ADAMTS17: variants seen among roughly 807,000 people sequenced by gnomAD.
The protein encoded by ADAMTS17 is ADAM metallopeptidase with thrombospondin type 1 motif 17, also known as A disintegrin and metalloproteinase with thrombospondin motifs 17.
Under a neutral mutation model 141.5 loss-of-function variants are expected in ADAMTS17, and 113 were observed. The observed-to-expected ratio is 0.80, with a 90% CI of 0.69 to 0.93. The LOEUF is 0.93. Among genes scored for constraint, ADAMTS17 ranks in the 40% least tolerant of loss-of-function variants. ADAMTS17 has a pLI of 0.00. For missense variants in ADAMTS17, 1,659 were observed against 1,517.9 expected (o/e 1.09, Z -1.54); for synonymous variants, 768 against 630.6 (o/e 1.22, Z -3.27).
intron 10 of ADAMTS17, among the ~76,000 whole-genome samples, chr15:100,139,705 G>T (rs2038527457): frequency 6.6e-6 from 1 of 152,172 alleles, no homozygotes; most frequent in Non-Finnish European, 1.5e-5. Flanking sequence ...CAATAACGCG[G>T]AACCTCAATC....
At chr15:100,255,729 G>C (rs2043305679) in intron 6 of ADAMTS17, among the ~76,000 whole-genome samples, 1 of 152,048 alleles carries the variant, frequency 6.6e-6, no homozygotes, top group South Asian at 2.1e-4. Context: ...GCTGGGCAAA[G>C]GGAGAAAGGG....
intron 15 of ADAMTS17, among the ~76,000 whole-genome samples, chr15:100,073,714 G>C (rs1270439763): frequency 5.8e-5 from 8 of 137,718 alleles, no homozygotes; most frequent in Non-Finnish European, 1.1e-4. Context: ...ATTGAACAAT[G>C]AGAACACATG....
intron 8 of ADAMTS17, among the ~76,000 whole-genome samples, chr15:100,171,916 G>A (rs2040175253): frequency 1.3e-5 from 2 of 152,144 alleles, no homozygotes; most frequent in Admixed American, 1.3e-4. Context: ...TAAGTGGCTG[G>A]GAGTGCCTGA....
At chr15:100,304,372 T>C (rs756476622) in intron 3 of ADAMTS17, among the ~76,000 whole-genome samples, 1 of 152,190 alleles carries the variant, frequency 6.6e-6, no homozygotes, top group Non-Finnish European at 1.5e-5. Flanking sequence ...TAGTATAATT[T>C]TTTTAACCTT....
chr15:100,049,027 G>C, intron 17 of ADAMTS17, 35 bp from the exon 18 acceptor site: 1 of 1,614,096 alleles, frequency 6.2e-7, no homozygotes, highest in Non-Finnish European at 8.5e-7. Context: ...GAGAGACTGT[G>C]GCTGCACCCA....
intron 7 of ADAMTS17, among the ~76,000 whole-genome samples, chr15:100,229,655 A>G (rs4965602): frequency 0.71 from 107,975 of 152,088 alleles, 38,651 homozygotes; most frequent in South Asian, 0.82. Context: ...TCCCAGAGGC[A>G]ACCACTCAAA....
chr15:100,200,551 G>A (rs1193282522), intron 7 of ADAMTS17, among the ~76,000 whole-genome samples: 2 of 152,138 alleles, frequency 1.3e-5, no homozygotes, highest in Non-Finnish European at 2.9e-5. Context: ...GCCCTCCCGT[G>A]GGCGTTTAAC....
intron 7 of ADAMTS17, among the ~76,000 whole-genome samples, chr15:100,251,588 G>A (rs1340984630): frequency 1.3e-5 from 2 of 152,206 alleles, no homozygotes; most frequent in African/African-American, 4.8e-5. Flanking sequence ...AGCCAGGCTT[G>A]GTGGCAGGCA....
At chr15:100,010,732 T>A (rs180833975) in intron 18 of ADAMTS17, among the ~76,000 whole-genome samples, 3 of 152,324 alleles carry the variant, frequency 2.0e-5, no homozygotes, top group Admixed American at 2.0e-4. Context: ...GCTGCTTTTA[T>A]TGAACAGATG....
intron 18 of ADAMTS17, among the ~76,000 whole-genome samples, chr15:100,017,570 G>A (rs1441652306): frequency 6.6e-6 from 1 of 152,140 alleles, no homozygotes; most frequent in Non-Finnish European, 1.5e-5. Flanking sequence ...TATTTCACTC[G>A]ACTCTGTAAA....
At position 100,199,398 on chromosome 15, in the gene ADAMTS17, G is replaced by A; in HGVS notation, c.1101C>T (p.Cys367=). 1 of 1,614,106 alleles carries A rather than the reference G, an allele frequency of 6.2e-7. No homozygotes were observed. The highest frequency in any genetic ancestry group is 8.5e-7 in the Non-Finnish European group (1 of 1,180,014). ...TVGIAYLGGV[C]SAKRKCVLAE... is the part of the protein sequence containing the mutation. The stretch of plus-strand genomic sequence containing the variant: ...CAAGCACACACTTCCTCTTAGCACT[G>A]CACACACCTCCTAAGTAAGCAATTC... Residue 367 remains cysteine, a synonymous_variant, in exon 8 of 22, where the codon TGC becomes TGT. Coordinates refer to ENST00000268070, the MANE Select transcript of ADAMTS17 (RefSeq NM_139057.4).
chr15:100,175,125 G>T (rs2141490602), intron 8 of ADAMTS17, among the ~76,000 whole-genome samples: 1 of 152,258 alleles, frequency 6.6e-6, no homozygotes, highest in South Asian at 2.1e-4. Context: ...TCTCACATTT[G>T]GAGTGAAACA....
chr15:100,142,836 G>T (rs2038724409), intron 10 of ADAMTS17, among the ~76,000 whole-genome samples: 1 of 152,200 alleles, frequency 6.6e-6, no homozygotes, highest in South Asian at 2.1e-4. Context: ...AACCAGTCTA[G>T]ATCCTGTCTT....
At chr15:100,217,918 T>C (rs2042018703) in intron 7 of ADAMTS17, among the ~76,000 whole-genome samples, 1 of 152,228 alleles carries the variant, frequency 6.6e-6, no homozygotes, top group South Asian at 2.1e-4. Flanking sequence ...AGGGTCTCAC[T>C]GTGAAGTGCT....
At chr15:100,297,752 A>G (rs1221098102) in intron 3 of ADAMTS17, among the ~76,000 whole-genome samples, 1 of 152,150 alleles carries the variant, frequency 6.6e-6, no homozygotes, top group African/African-American at 2.4e-5. Context: ...AAGCAAGGGA[A>G]TACTTCATTC....
chr15:100,332,608 G>A (rs2046089413), intron 2 of ADAMTS17, among the ~76,000 whole-genome samples: 1 of 152,248 alleles, frequency 6.6e-6, no homozygotes, highest in Admixed American at 6.5e-5. Context: ...ATAAAAAGCA[G>A]TCAGCTGTTA....
intron 7 of ADAMTS17, among the ~76,000 whole-genome samples, chr15:100,204,423 C>T (rs1175577520): frequency 6.6e-6 from 1 of 152,198 alleles, no homozygotes; most frequent in Admixed American, 6.5e-5. Context: ...TGCCATACAC[C>T]AACCATAGTC....
chr15:100,109,117 C>G lies in ADAMTS17; in HGVS notation c.1889-1G>C. ...GAGCAGTAGAGTTCACATGGCTTATCTGAGGAGGGAAAGGTTGGAGGACGT... is the reference window on the plus strand; with the variant it reads ...GAGCAGTAGAGTTCACATGGCTTATGTGAGGAGGGAAAGGTTGGAGGACGT... On this transcript the variant is annotated splice_acceptor_variant, in intron 13 of 21. Coordinates refer to ENST00000268070, the MANE Select transcript of ADAMTS17 (RefSeq NM_139057.4). LOFTEE classifies it high-confidence loss of function. 1 of 1,610,244 alleles carries G rather than the reference C, an allele frequency of 6.2e-7. No individual in the cohort carries two copies. Among genetic ancestry groups the G allele is most frequent in the Non-Finnish European group, 8.5e-7 (1 of 1,178,244 alleles).
chr15:100,178,378 T>C (rs569008114), intron 8 of ADAMTS17, among the ~76,000 whole-genome samples: 11 of 152,294 alleles, frequency 7.2e-5, no homozygotes, highest in African/African-American at 2.6e-4. Context: ...CCAACTGGTG[T>C]TGACATTTCA....
Sources: gnomAD v4.1 joint callset for allele counts (sites outside exome capture counted in the v4.1 genomes callset) on GRCh38, gnomAD v4.1.1 for gene constraint, MANE v1.5 for transcripts, NCBI Gene and HGNC (gene_info 2026-07-23, HGNC 2026-07-21) for gene names.